Variants in PCDH9 observed in about 807,000 individuals in gnomAD.
PCDH9 encodes protocadherin 9.
In PCDH9, 24 loss-of-function variants were observed where a neutral mutation model predicts 70.6. The observed-to-expected ratio is 0.34, with a 90% CI of 0.25 to 0.48. The LOEUF is 0.48. PCDH9 is among the 20% of genes least tolerant of loss of function. The pLI, the probability that PCDH9 is intolerant of heterozygous loss-of-function variation, is 0.99. For synonymous variants in PCDH9, 562 were observed against 558.5 expected, an observed-to-expected ratio of 1.01 and a Z score of -0.09; for missense variants, 1,281 against 1,503.6, an observed-to-expected ratio of 0.85 and a Z score of 2.45.
At chr13:66,955,470 T>A (rs7321207) in intron 2 of PCDH9, among the ~76,000 whole-genome samples, 148,028 of 152,290 alleles carry the variant, frequency 0.97, 71,989 homozygotes, top group East Asian at 1. Context: ...ATGTAAGGTG[T>A]CATTTTTTTC....
chr13:67,070,867 G>A (rs1216575288), intron 2 of PCDH9, among the ~76,000 whole-genome samples: 1 of 152,074 alleles, frequency 6.6e-6, no homozygotes, highest in Non-Finnish European at 1.5e-5. Flanking sequence ...GCAATATGAA[G>A]ATGCAGATTC....
At chr13:66,971,135 A>G (rs1356790948) in intron 2 of PCDH9, among the ~76,000 whole-genome samples, 1 of 152,040 alleles carries the variant, frequency 6.6e-6, no homozygotes, top group African/African-American at 2.4e-5. Context: ...ATGGCAGTAT[A>G]ATACTGTGCA....
At chr13:66,691,137 A>T (rs2078478926) in intron 3 of PCDH9, among the ~76,000 whole-genome samples, 1 of 152,102 alleles carries the variant, frequency 6.6e-6, no homozygotes, top group Non-Finnish European at 1.5e-5. Flanking sequence ...ACCCAGGTTC[A>T]AGCGATCCTC....
At chr13:66,950,385 TA>T (rs2139700726) in intron 2 of PCDH9, among the ~76,000 whole-genome samples, 1 of 152,254 alleles carries the variant, frequency 6.6e-6, no homozygotes, top group South Asian at 2.1e-4. Context: ...ACAAAATCAC[TA>T]TTGTTATGCT....
intron 2 of PCDH9, among the ~76,000 whole-genome samples, chr13:67,059,875 GT>G (rs2085502429): frequency 2.5e-5 from 1 of 40,078 alleles, no homozygotes; most frequent in Non-Finnish European, 4.4e-5. Context: ...TTTGTTTTTT[GT>G]TTTTTGTTGT....
chr13:66,415,697 A>G lies in PCDH9; in HGVS notation c.3341-110669T>C, dbSNP rs550598762. Among the ~76,000 whole-genome samples, 4 of 152,330 alleles carry G rather than the reference A, an allele frequency of 2.6e-5. No individual in the cohort carries two copies. In the South Asian group the frequency reaches 8.3e-4, roughly 32 times the overall value. On this transcript the variant is annotated intron_variant, in intron 4 of 4. Transcript: ENST00000377865. ...TGAAAGATATTTATCTCAAAGGCAG[A>G]TAGGTAAGAATGTCAAGAAAACAAA... is the stretch of plus-strand genomic sequence containing the variant.
intron 4 of PCDH9, among the ~76,000 whole-genome samples, chr13:66,451,012 G>A (rs77876962): frequency 0.099 from 15,095 of 152,082 alleles, 978 homozygotes; most frequent in Middle Eastern, 0.15. Flanking sequence ...GCAAGACTCC[G>A]TCTCAAAAAC....
At chr13:66,585,993 T>G (rs2076957581) in intron 4 of PCDH9, among the ~76,000 whole-genome samples, 1 of 152,144 alleles carries the variant, frequency 6.6e-6, no homozygotes, top group African/African-American at 2.4e-5. Context: ...TATATCTCTG[T>G]GAGATAAGCT....
At chr13:67,028,360 T>C (rs897162605) in intron 2 of PCDH9, among the ~76,000 whole-genome samples, 13 of 131,388 alleles carry the variant, frequency 9.9e-5, no homozygotes, top group East Asian at 4.7e-4. Context: ...TAGGTGGGAA[T>C]TGAACAATGA....
chr13:66,860,462 G>T (rs940278305), intron 3 of PCDH9, among the ~76,000 whole-genome samples: 2 of 152,182 alleles, frequency 1.3e-5, no homozygotes, highest in Non-Finnish European at 2.9e-5. Flanking sequence ...GGCATTGTGG[G>T]AGGCTCCCGT....
intron 4 of PCDH9, among the ~76,000 whole-genome samples, chr13:66,425,455 A>G (rs1301999512): frequency 6.6e-6 from 1 of 151,608 alleles, no homozygotes; most frequent in Admixed American, 6.6e-5. Flanking sequence ...AACTGTAGGT[A>G]TATCTTTAAG....
intron 3 of PCDH9, among the ~76,000 whole-genome samples, chr13:66,812,791 T>C (rs964461487): frequency 6.6e-6 from 1 of 152,210 alleles, no homozygotes; most frequent in Non-Finnish European, 1.5e-5. Flanking sequence ...TAGGTTTATT[T>C]AGTTCCATCA....
At position 66,527,233 on chromosome 13, in the gene PCDH9, T is replaced by C. The variant is rs560313805; in HGVS notation, c.3340+103977A>G. 2.1e-4 allele frequency among the ~76,000 whole-genome samples: 32 copies of C among 152,022 alleles called. 3 individuals are homozygous for C. The South Asian group carries it at 6.0e-3, about 29-fold the overall frequency. ...TTACTGTAAGTGTCAGGGTGAAATATAGCTGGTCACCTTTTTTTATTCAAG... is the reference window on the plus strand; with the variant it reads ...TTACTGTAAGTGTCAGGGTGAAATACAGCTGGTCACCTTTTTTTATTCAAG... On this transcript the variant is annotated intron_variant, in intron 4 of 4. Coordinates refer to ENST00000377865, the MANE Select transcript of PCDH9 (RefSeq NM_203487.3).
rs147868865 is a variant in PCDH9 at position 66,836,472 on chromosome 13, T to G, written c.3138+67032A>C. Reference sequence around the variant, plus strand: ...TATCTGCCTATCAAACTTGACCCTCTTAATAATTCCGTTCAATTTCCTTTC... The same window carrying G: ...TATCTGCCTATCAAACTTGACCCTCGTAATAATTCCGTTCAATTTCCTTTC... On this transcript the variant is annotated intron_variant, in intron 3 of 4. Transcript: ENST00000377865. Among the ~76,000 whole-genome samples, 682 of 152,328 alleles carry G rather than the reference T, an allele frequency of 4.5e-3. 5 individuals carry two copies. The highest frequency in any genetic ancestry group is 0.016 in the African/African-American group (656 of 41,574).
chr13:66,551,074 A>AT lies in PCDH9; in HGVS notation c.3340+80135dup, dbSNP rs569375671. Among the ~76,000 whole-genome samples, 93 of 152,208 alleles carry AT rather than the reference A, an allele frequency of 6.1e-4. 1 individual carries two copies. The highest frequency in any genetic ancestry group is 3.3e-3 in the South Asian group (16 of 4,820). ...TTCAAGTTGAGGGTGACTATAGTTA[A>AT]TTTTTTTAATTTCTCATTTTCTAAG... On this transcript the variant is annotated intron_variant, in intron 4 of 4. Coordinates refer to ENST00000377865, the MANE Select transcript of PCDH9 (RefSeq NM_203487.3).
At chr13:66,838,595 A>T (rs1216907532) in intron 3 of PCDH9, among the ~76,000 whole-genome samples, 2 of 152,030 alleles carry the variant, frequency 1.3e-5, no homozygotes, top group Non-Finnish European at 2.9e-5. Context: ...ACCAATATTA[A>T]CACAATTTTT....
At chr13:66,674,958 TTAAA>T (rs1456572823) in intron 3 of PCDH9, among the ~76,000 whole-genome samples, 1 of 152,154 alleles carries the variant, frequency 6.6e-6, no homozygotes, top group Admixed American at 6.5e-5. Flanking sequence ...ATATTTCATT[TTAAA>T]TCAGTCCTCA....
chr13:66,962,101 T>G (rs1490869065), intron 2 of PCDH9, among the ~76,000 whole-genome samples: 1 of 151,532 alleles, frequency 6.6e-6, no homozygotes, highest in Non-Finnish European at 1.5e-5. Flanking sequence ...AAAACATAGA[T>G]ATCTTTGGCT....
intron 3 of PCDH9, among the ~76,000 whole-genome samples, chr13:66,852,641 A>G (rs2081332723): frequency 6.6e-6 from 1 of 152,182 alleles, no homozygotes; most frequent in Admixed American, 6.5e-5. Flanking sequence ...CAGATATTTT[A>G]TAGAACTTGT....
Sources: allele counts gnomAD v4.1 joint callset (sites outside exome capture counted in the v4.1 genomes callset), GRCh38; gene constraint gnomAD v4.1.1; transcripts MANE v1.5; gene names NCBI Gene and HGNC (gene_info 2026-07-23, HGNC 2026-07-21).